MAST4: variants seen among roughly 807,000 people sequenced by gnomAD.
The protein encoded by MAST4 is microtubule associated serine/threonine kinase family member 4, also known as microtubule-associated serine/threonine-protein kinase 4.
A neutral mutation model predicts 162.7 loss-of-function variants in MAST4; 89 were observed. The ratio of observed to expected loss-of-function variants is 0.55; its 90% CI spans 0.46 to 0.65. MAST4 has a LOEUF of 0.65. Among genes scored for constraint, MAST4 ranks in the 30% least tolerant of loss-of-function variants. The pLI, the probability that MAST4 is intolerant of heterozygous loss-of-function variation, is 0.00. For missense variants in MAST4, 3,153 were observed against 3,374.0 expected (o/e 0.93, Z 1.62); for synonymous variants, 1,479 against 1,361.1 (o/e 1.09, Z -1.91).
At chr5:67,033,428 C>T (rs911255679) in intron 4 of MAST4, among the ~76,000 whole-genome samples, 1 of 147,408 alleles carries the variant, frequency 6.8e-6, no homozygotes, top group African/African-American at 2.5e-5. Flanking sequence ...TCAAGCTGAG[C>T]TAGTTTGGCA....
intron 4 of MAST4, among the ~76,000 whole-genome samples, chr5:66,910,432 G>A (rs777090775): frequency 2.0e-5 from 3 of 152,126 alleles, no homozygotes; most frequent in Non-Finnish European, 2.9e-5. Flanking sequence ...CTCTTTACCC[G>A]GGTTGTGTGG....
chr5:67,049,058 T>TAC lies in MAST4; in HGVS notation c.675-5345_675-5344dup, dbSNP rs1554087465. Among the ~76,000 whole-genome samples the TAC allele has an allele frequency of 5.7e-5, 6 of 105,876 alleles. 2 individuals carry two copies. The highest frequency in any genetic ancestry group is 2.3e-4 in the African/African-American group (6 of 25,598). 69.5% of individuals were successfully genotyped at this position (105,876 alleles called of 152,430 possible). A position where few individuals can be genotyped will look rare whatever the true frequency, so the allele number is the denominator to read the frequency against. ...ATATATATACGTGTATATATATATA[T>TAC]ACGTATATATATATATATATACACT... is the stretch of plus-strand genomic sequence containing the variant. On this transcript the variant is annotated intron_variant, in intron 4 of 28. Transcript: ENST00000403625.
At chr5:67,155,145 C>G (rs1424611361) in intron 26 of MAST4, among the ~76,000 whole-genome samples, 2 of 152,216 alleles carry the variant, frequency 1.3e-5, no homozygotes, top group Non-Finnish European at 2.9e-5. Flanking sequence ...TAAGCATTTT[C>G]CATGTTTCAT....
chr5:66,620,450 G>A (rs1184471821), intron 1 of MAST4, among the ~76,000 whole-genome samples: 1 of 151,980 alleles, frequency 6.6e-6, no homozygotes, highest in Non-Finnish European at 1.5e-5. Flanking sequence ...ATTAGTATGG[G>A]CACATTATCT....
chr5:66,950,242 C>CT (rs1393173374), intron 4 of MAST4, among the ~76,000 whole-genome samples: 6 of 142,894 alleles, frequency 4.2e-5, no homozygotes, highest in East Asian at 2.0e-4. Context: ...CTTTTTTTTT[C>CT]TTTTTTTTCT....
chr5:67,119,586 G>T (rs1767332917), intron 13 of MAST4, among the ~76,000 whole-genome samples: 1 of 152,160 alleles, frequency 6.6e-6, no homozygotes, highest in South Asian at 2.1e-4. Context: ...GATTAAATGA[G>T]ATTTTTATGT....
chr5:66,751,044 C>G lies in MAST4; in HGVS notation c.364-8665C>G, dbSNP rs190484801. On this transcript the variant is annotated intron_variant, in intron 1 of 28. Transcript: ENST00000403625. ...CCCCCCAGCAGGGGCACACTGACAT[C>G]TCACACGGCAGGGTATTCGAACAGA... Among the ~76,000 whole-genome samples the G allele has an allele frequency of 3.2e-3, 486 of 152,140 alleles. 2 individuals carry two copies. Among genetic ancestry groups the G allele is most frequent in the Admixed American group, 4.9e-3 (75 of 15,298 alleles).
chr5:66,851,783 G>C (rs1561382306), intron 3 of MAST4, among the ~76,000 whole-genome samples: 1 of 152,120 alleles, frequency 6.6e-6, no homozygotes, highest in Non-Finnish European at 1.5e-5. Context: ...GCTAATTGTG[G>C]AATAATTCTT....
Position 66,959,397 on chromosome 5 carries a change from C to T in MAST4, c.674+59415C>T, listed in dbSNP as rs1246010630. On this transcript the variant is annotated intron_variant, in intron 4 of 28. Coordinates refer to ENST00000403625, the MANE Select transcript of MAST4 (RefSeq NM_001164664.2). ...TTTGTTTGTACTGACAGCCTCAGAG[C>T]ACTGCAGTGTGAGGTGGAGGAACAT... 1.1e-5 allele frequency: 8 copies of T among 747,626 alleles called. No individual in the cohort carries two copies. The East Asian group carries it at 1.8e-4, about 16-fold the overall frequency. 46.3% of individuals were successfully genotyped at this position (747,626 alleles called of 1,614,324 possible).
At chr5:66,750,356 G>A (rs948989691) in intron 1 of MAST4, among the ~76,000 whole-genome samples, 11 of 152,180 alleles carry the variant, frequency 7.2e-5, no homozygotes, top group African/African-American at 2.4e-4. Context: ...CGCAGGAAAC[G>A]GTGATTTCTG....
intron 4 of MAST4, among the ~76,000 whole-genome samples, chr5:66,915,607 A>G (rs1764062960): frequency 6.6e-6 from 1 of 152,258 alleles, no homozygotes. Flanking sequence ...TTTTCAGTAC[A>G]AGTAATAGAA....
chr5:66,824,955 T>C (rs1046705241), intron 3 of MAST4, among the ~76,000 whole-genome samples: 15 of 152,028 alleles, frequency 9.9e-5, no homozygotes, highest in Non-Finnish European at 1.9e-4. Context: ...AATGAGTGAG[T>C]GGTGAGTGAA....
chr5:67,021,100 T>C (rs1753917983), intron 4 of MAST4, among the ~76,000 whole-genome samples: 1 of 152,238 alleles, frequency 6.6e-6, no homozygotes, highest in South Asian at 2.1e-4. Flanking sequence ...AGTTCAGTCT[T>C]TCCTTTAGGC....
At chr5:67,065,728 G>T (rs1309623666) in intron 5 of MAST4, among the ~76,000 whole-genome samples, 1 of 152,170 alleles carries the variant, frequency 6.6e-6, no homozygotes, top group Non-Finnish European at 1.5e-5. Flanking sequence ...AATGATATCT[G>T]TATCTTTGAA....
At chr5:67,019,056 A>G (rs965689284) in intron 4 of MAST4, among the ~76,000 whole-genome samples, 1 of 144,866 alleles carries the variant, frequency 6.9e-6, no homozygotes, top group Non-Finnish European at 1.5e-5. Flanking sequence ...ATGTTTTACT[A>G]TATCTCCTGG....
chr5:66,831,630 T>G (rs569844547), intron 3 of MAST4, among the ~76,000 whole-genome samples: 1 of 152,348 alleles, frequency 6.6e-6, no homozygotes, highest in South Asian at 2.1e-4. Flanking sequence ...GCTCATAAAA[T>G]GGCAGCACAA....
chr5:67,149,478 C>T lies in MAST4; in HGVS notation c.3184C>T (p.Pro1062Ser). 6.2e-7 allele frequency: 1 copy of T among 1,613,778 alleles called. No individual in the cohort carries two copies. The highest frequency in any genetic ancestry group is 8.5e-7 in the Non-Finnish European group (1 of 1,179,822). ...TDNSSKPSSE[P>S]ASHMARQRLE... ...TAATTCCTCAAAGCCATCCAGTGAACCCGCTTCTCACATGGCTCGGCAGCG... is the reference window on the plus strand; with the variant it reads ...TAATTCCTCAAAGCCATCCAGTGAATCCGCTTCTCACATGGCTCGGCAGCG... The change falls in exon 24 of 29, where the codon CCC (proline) becomes TCC (serine). Residue 1062 changes from proline (P) to serine (S), a missense_variant. By Grantham distance (74) the Pro-to-Ser change is moderately conservative (BLOSUM62 -1). Around this residue, in one of 7 missense-constraint regions of MAST4, gnomAD observed 619 missense variants for 744.2 expected, o/e 0.83. Coordinates refer to ENST00000403625, the MANE Select transcript of MAST4 (RefSeq NM_001164664.2).
chr5:67,014,475 T>C (rs1753049558), intron 4 of MAST4, among the ~76,000 whole-genome samples: 1 of 152,242 alleles, frequency 6.6e-6, no homozygotes, highest in Admixed American at 6.5e-5. Context: ...TGAATCATAA[T>C]TTCCTATATG....
At chr5:66,659,340 C>T (rs1221598583) in intron 1 of MAST4, among the ~76,000 whole-genome samples, 4 of 152,186 alleles carry the variant, frequency 2.6e-5, no homozygotes, top group Non-Finnish European at 4.4e-5. Flanking sequence ...GGGACTTGAA[C>T]GTGGTTCATC....
Sources: gnomAD v4.1 joint callset for allele counts (sites outside exome capture counted in the v4.1 genomes callset) on GRCh38, gnomAD v4.1.1 for gene constraint, gnomAD v4.1.1 regional missense constraint, MANE v1.5 for transcripts, NCBI Gene and HGNC (gene_info 2026-07-23, HGNC 2026-07-21) for gene names.